Variants in STARD4 observed in about 807,000 individuals in gnomAD.
STARD4 encodes StAR related lipid transfer domain containing 4.
STARD4 carries 33 observed loss-of-function variants against 24.9 expected under a neutral mutation model. The observed-to-expected ratio is 1.32, with a 90% CI of 1.00 to 1.77. The LOEUF is 1.77. Ranked by LOEUF, STARD4 falls within the 40% of genes most tolerant of loss-of-function variation. STARD4 has a pLI of 0.00. For synonymous variants in STARD4, 88 were observed against 77.4 expected (o/e 1.14, Z -0.72); for missense variants, 238 against 249.3 (o/e 0.95, Z 0.31).
At chr5:111,502,144 C>G (rs534109118) in intron 3 of STARD4, 56 bp from the exon 4 acceptor site, 2 of 1,568,458 alleles carry the variant, frequency 1.3e-6, no homozygotes, top group African/African-American at 1.4e-5. Context: ...TTCAGCATAC[C>G]CTTATAGTGC....
intron 3 of STARD4, among the ~76,000 whole-genome samples, chr5:111,503,010 C>T (rs2112551328): frequency 6.6e-6 from 1 of 152,186 alleles, no homozygotes; most frequent in South Asian, 2.1e-4. Context: ...TATAGAATGC[C>T]ATAAGGTTTC....
Position 111,499,697 on chromosome 5 carries a change from A to C in STARD4, c.*189T>G, listed in dbSNP as rs1756282978. On this transcript the variant is annotated 3_prime_UTR_variant, in exon 6 of 6. Transcript: ENST00000296632. ...GAGCCTGTCTCAAAATTTAAAAAAA[A>C]AAAAGTGAAAATGCCCTCTCTTAGA... The C allele has an allele frequency of 5.0e-6, 3 of 595,902 alleles. No homozygotes were observed. Among genetic ancestry groups the C allele is most frequent in the Non-Finnish European group, 8.7e-6 (3 of 344,208 alleles). 36.9% of individuals were successfully genotyped at this position (595,902 alleles called of 1,614,324 possible). A position where few individuals can be genotyped will look rare whatever the true frequency, so the allele number is the denominator to read the frequency against.
chr5:111,503,179 T>C (rs532052443), intron 3 of STARD4, among the ~76,000 whole-genome samples: 1 of 152,290 alleles, frequency 6.6e-6, no homozygotes, highest in South Asian at 2.1e-4. Context: ...ACTTGACATA[T>C]TTCAAAGGCA....
intron 1 of STARD4, among the ~76,000 whole-genome samples, chr5:111,511,268 C>T (rs1176531959): frequency 1.3e-5 from 2 of 151,926 alleles, no homozygotes; most frequent in African/African-American, 4.8e-5. Flanking sequence ...TGTTCAAACC[C>T]CTAATGCTCT....
chr5:111,501,226 T>A (rs1203460719), intron 4 of STARD4, 110 bp from the exon 5 acceptor site: 8 of 1,144,134 alleles, frequency 7.0e-6, no homozygotes, highest in East Asian at 2.7e-5. Context: ...AAATGTTTCA[T>A]AATTATAATA....
Position 111,499,721 on chromosome 5 carries a change from G to A in STARD4, c.*165C>T. ...AAAAAAGTGAAAATGCCCTCTCTTA[G>A]ATAGCTATTTACTTTAGGAATAAAA... On this transcript the variant is annotated 3_prime_UTR_variant, in exon 6 of 6. Transcript: ENST00000296632. 1.6e-6 allele frequency: 1 copy of A among 639,340 alleles called. No individual in the cohort carries two copies. Among genetic ancestry groups the A allele is most frequent in the Non-Finnish European group, 2.7e-6 (1 of 375,812 alleles). 39.6% of individuals were successfully genotyped at this position (639,340 alleles called of 1,614,324 possible).
At chr5:111,509,793 T>C (rs536562228) in intron 1 of STARD4, among the ~76,000 whole-genome samples, 67 of 152,282 alleles carry the variant, frequency 4.4e-4, no homozygotes, top group South Asian at 2.9e-3. Flanking sequence ...ATCTAAAGTA[T>C]GCCCATTTAC....
At chr5:111,506,417 A>G in intron 2 of STARD4, 38 bp from the exon 3 acceptor site, 1 of 1,049,792 alleles carries the variant, frequency 9.5e-7, no homozygotes, top group Non-Finnish European at 1.4e-6. Context: ...ATAATTGCAT[A>G]GGTGGAACCC....
intron 3 of STARD4, 166 bp downstream of exon 3, chr5:111,506,164 A>C (rs1756841807): frequency 9.5e-6 from 3 of 316,876 alleles, no homozygotes; most frequent in Non-Finnish European, 1.7e-5. Context: ...ACCGCACTCC[A>C]GCCTGGGTGA....
chr5:111,502,019 A>G lies in STARD4; in HGVS notation c.225T>C (p.Cys75=). 1 of 1,614,160 alleles carries G rather than the reference A, an allele frequency of 6.2e-7. No homozygotes were observed. The highest frequency in any genetic ancestry group is 8.5e-7 in the Non-Finnish European group (1 of 1,180,020). The part of the protein sequence containing the change: ...SIIDHIRPGP[C]RLDWDSLMTS... ...TCATCAAGCTGTCCCAATCCAAACG[A>G]CAAGGCCCTGGGCGTATATGGTCTA... The change falls in exon 4 of 6, where the codon TGT becomes TGC. Residue 75 remains cysteine, a synonymous_variant. Coordinates refer to ENST00000296632, the MANE Select transcript of STARD4 (RefSeq NM_139164.3).
At chr5:111,501,789 C>T (rs949448158) in intron 4 of STARD4, among the ~76,000 whole-genome samples, 173 bp downstream of exon 4, 1 of 152,148 alleles carries the variant, frequency 6.6e-6, no homozygotes, top group East Asian at 1.9e-4. Context: ...TGAGGAAACA[C>T]AAACTTTTTA....
intron 3 of STARD4, chr5:111,504,947 C>T: frequency 2.3e-6 from 1 of 438,628 alleles, no homozygotes; most frequent in South Asian, 1.7e-5. Flanking sequence ...TGCATTTGCC[C>T]TTTTTGACTT....
chr5:111,499,914 A>T lies in STARD4; in HGVS notation c.590T>A (p.Phe197Tyr), dbSNP rs533708186. 10 of 1,614,092 alleles carry T rather than the reference A, an allele frequency of 6.2e-6. No homozygotes were observed. The highest frequency in any genetic ancestry group is 1.3e-5 in the African/African-American group (1 of 75,018). ...DTAMASTLTN[F>Y]YGDLRKAL ...TAAAGCTTTTCGTAAATCACCATAG[A>T]AGTTGGTTAAAGTGCTTGCCATGGC... The change falls in exon 6 of 6, where the codon TTC (phenylalanine) becomes TAC (tyrosine). Residue 197 changes from phenylalanine to tyrosine, a missense_variant. Transcript: ENST00000296632.
chr5:111,500,835 CTT>C, intron 5 of STARD4, 165 bp downstream of exon 5: 2 of 1,516,038 alleles, frequency 1.3e-6, no homozygotes, highest in South Asian at 2.6e-5. Flanking sequence ...TTTCAAAACT[CTT>C]TTGATATTGC....
At chr5:111,501,611 G>T (rs1250319643) in intron 4 of STARD4, among the ~76,000 whole-genome samples, 2 of 152,192 alleles carry the variant, frequency 1.3e-5, no homozygotes, top group East Asian at 3.8e-4. Context: ...TAATGGAAAA[G>T]CTGCACACAT....
chr5:111,499,850 A>C lies in STARD4; in HGVS notation c.*36T>G. The C allele has an allele frequency of 1.9e-6, 3 of 1,566,216 alleles. No homozygotes were observed. Among genetic ancestry groups the C allele is most frequent in the Non-Finnish European group, 2.6e-6 (3 of 1,137,644 alleles). ...ACAGGCCATGTAGCTGAGAGAGTTGATCTGTAGTACTACAAGTTTGAATGT... is the reference window on the plus strand; with the variant it reads ...ACAGGCCATGTAGCTGAGAGAGTTGCTCTGTAGTACTACAAGTTTGAATGT... On this transcript the variant is annotated 3_prime_UTR_variant, in exon 6 of 6. Transcript: ENST00000296632.
chr5:111,499,893 G>C lies in STARD4; in HGVS notation c.611C>G (p.Ala204Gly), dbSNP rs975971454. The C allele has an allele frequency of 6.2e-7, 1 of 1,613,976 alleles. No individual in the cohort carries two copies. The highest frequency in any genetic ancestry group is 8.5e-7 in the Non-Finnish European group (1 of 1,179,922). The change falls in exon 6 of 6, where the codon GCT (alanine) becomes GGT (glycine). Residue 204 changes from alanine (A) to glycine (G), a missense_variant. Transcript: ENST00000296632. ...TTGAATGTATTTTGCCTCTCATAAA[G>C]CTTTTCGTAAATCACCATAGAAGTT... is the stretch of plus-strand genomic sequence containing the variant. ...LTNFYGDLRK[A>G]L
At chr5:111,508,481 T>G (rs560432069) in intron 1 of STARD4, among the ~76,000 whole-genome samples, 1 of 152,284 alleles carries the variant, frequency 6.6e-6, no homozygotes, top group South Asian at 2.1e-4. Flanking sequence ...CCTCCCATCT[T>G]CAGTAAAAGG....
In STARD4 at chr5:111,505,601, C is replaced by T. The variant is rs535665430; in HGVS notation, c.155+729G>A. ...CAAATGTTTCCTACTGAATTGTCTC[C>T]TCCTATTGATTATTCAGGTTTATAA... is the stretch of plus-strand genomic sequence containing the variant. On this transcript the variant is annotated intron_variant, in intron 3 of 5. Coordinates refer to ENST00000296632, the MANE Select transcript of STARD4 (RefSeq NM_139164.3). Among the ~76,000 whole-genome samples the T allele has an allele frequency of 2.0e-5, 3 of 152,188 alleles. No homozygotes were observed. In the South Asian group the frequency reaches 6.2e-4, roughly 32 times the overall value.
Sources: gnomAD v4.1 joint callset for allele counts (sites outside exome capture counted in the v4.1 genomes callset) on GRCh38, gnomAD v4.1.1 for gene constraint, MANE v1.5 for transcripts, NCBI Gene and HGNC (gene_info 2026-07-23, HGNC 2026-07-21) for gene names.